Variants in XKRX observed in about 807,000 individuals in gnomAD.
XKRX encodes XK-related protein 2.
A neutral mutation model predicts 22.4 loss-of-function variants in XKRX; 11 were observed. The ratio of observed to expected loss-of-function variants is 0.49; its 90% confidence interval spans 0.31 to 0.81. The LOEUF is 0.81. Among genes scored for constraint, XKRX ranks in the 40% least tolerant of loss-of-function variants. XKRX has a pLI of 0.05. For missense variants in XKRX, 320 were observed against 336.5 expected (o/e 0.95, Z 0.38); for synonymous variants, 114 against 132.2 (o/e 0.86, Z 0.94).
the XKRX span, among the ~76,000 whole-genome samples, chrX:100,889,033 G>T: frequency 3.6e-5 from 4 of 109,839 alleles, no homozygotes; most frequent in African/African-American, 1.3e-4. Context: ...GAGGTCAGGA[G>T]TTCGAGACCA....
At chrX:100,941,681 A>G in the XKRX span, among the ~76,000 whole-genome samples, 4 of 112,475 alleles carry the variant, frequency 3.6e-5, no homozygotes, top group Non-Finnish European at 7.5e-5. Context: ...TCTAATGGAC[A>G]AGCATAAAGA....
rs777611830 is a variant in XKRX, at chrX:100,928,159, G to A, written c.146C>T (p.Ala49Val). 8.3e-7 allele frequency: 1 copy of A among 1,211,760 alleles called. No individual in the cohort carries two copies. The highest frequency in any genetic ancestry group is 1.1e-6 in the Non-Finnish European group (1 of 895,437). The change falls in exon 1 of 3, where the codon GCA becomes GTA. Residue 49 changes from alanine to valine, a missense_variant. Transcript: ENST00000372956. ...GATTCTAACCATGTACAAAGCAGAT[G>A]CAGCCTCCCCACAGTACAAAAAGGT... Reference protein sequence around the residue: ...FSTFLYCGEAASALYMVRIYR... With the variant: ...FSTFLYCGEAVSALYMVRIYR...
At chrX:100,948,349 T>C in the XKRX span, among the ~76,000 whole-genome samples, 3 of 111,927 alleles carry the variant, frequency 2.7e-5, no homozygotes, top group Non-Finnish European at 5.6e-5. Context: ...CATTTCTCAC[T>C]ACTCCTCCCT....
At chrX:100,900,456 A>T in the XKRX span, among the ~76,000 whole-genome samples, 1 of 110,632 alleles carries the variant, frequency 9.0e-6, no homozygotes, top group Non-Finnish European at 1.9e-5. Flanking sequence ...TCTTGTCCTC[A>T]AGTAATAAAG....
the XKRX span, among the ~76,000 whole-genome samples, chrX:100,937,549 A>G: frequency 8.9e-6 from 1 of 111,854 alleles, no homozygotes; most frequent in African/African-American, 3.3e-5. Context: ...CTATACTTCG[A>G]GAAAAACTGT....
the XKRX span, among the ~76,000 whole-genome samples, chrX:100,906,007 A>G: frequency 8.9e-6 from 1 of 112,120 alleles, no homozygotes; most frequent in South Asian, 3.7e-4. Context: ...GAGCCAAGAC[A>G]GTTCTATTAA....
chrX:100,953,047 A>G, the XKRX span, among the ~76,000 whole-genome samples: 1 of 112,425 alleles, frequency 8.9e-6, no homozygotes, highest in Non-Finnish European at 1.9e-5. Context: ...CACACCTGTA[A>G]TCTCAGCACT....
In XKRX at chrX:100,924,280, A is replaced by G. The variant is rs192082323; in HGVS notation, c.336-1219T>C. 3.6e-5 allele frequency among the ~76,000 whole-genome samples: 4 copies of G among 111,630 alleles called. No homozygotes were observed. In the Admixed American group the frequency reaches 3.8e-4, roughly 11 times the overall value. On this transcript the variant is annotated intron_variant, in intron 1 of 2. Transcript: ENST00000372956. Reference sequence around the variant, plus strand: ...AAGCAACAAAAGTACTTAAAAGACGACAACTCAAACCTGAATGAACTACAT... The same window carrying G: ...AAGCAACAAAAGTACTTAAAAGACGGCAACTCAAACCTGAATGAACTACAT...
chrX:100,917,538 A>G (rs1435713903), intron 2 of XKRX, among the ~76,000 whole-genome samples: 1 of 102,642 alleles, frequency 9.7e-6, no homozygotes, highest in Admixed American at 1.1e-4. Flanking sequence ...AGAGAAAGGG[A>G]GGAAGGGAGG....
chrX:100,944,094 A>G, the XKRX span, among the ~76,000 whole-genome samples: 1 of 112,108 alleles, frequency 8.9e-6, no homozygotes, highest in Non-Finnish European at 1.9e-5. Context: ...CTTCACCAAT[A>G]CATGGTAATG....
chrX:100,936,540 C>CAAAAAAAAAAAAAAAAAA, the XKRX span, among the ~76,000 whole-genome samples: 1 of 25,401 alleles, frequency 3.9e-5, no homozygotes, highest in African/African-American at 1.2e-4. Flanking sequence ...GACTCTGTCT[C>CAAAAAAAAAAAAAAAAAA]AAAAAAAAAA....
chrX:100,887,471 C>T, the XKRX span, among the ~76,000 whole-genome samples: 55 of 112,374 alleles, frequency 4.9e-4, no homozygotes, highest in Middle Eastern at 4.6e-3. Context: ...ATACAGTCCT[C>T]AAGTTTTTTG....
the XKRX span, among the ~76,000 whole-genome samples, chrX:100,895,945 C>T: frequency 8.9e-6 from 1 of 111,818 alleles, no homozygotes; most frequent in Admixed American, 9.5e-5. Context: ...CAAGGCTTGC[C>T]ACAAAGGGTT....
chrX:100,908,309 G>T, the XKRX span, among the ~76,000 whole-genome samples: 2 of 110,807 alleles, frequency 1.8e-5, no homozygotes, highest in Non-Finnish European at 3.8e-5. Context: ...TAGAGACAGG[G>T]TTTCACCATG....
At chrX:100,891,796 A>T in the XKRX span, among the ~76,000 whole-genome samples, 11 of 96,029 alleles carry the variant, frequency 1.1e-4, no homozygotes, top group East Asian at 3.2e-4. Flanking sequence ...AGAAAGAAAG[A>T]AAGTAAGTTA....
intron 1 of XKRX, among the ~76,000 whole-genome samples, chrX:100,923,705 TC>T (rs1287850921): frequency 8.9e-6 from 1 of 111,854 alleles, no homozygotes; most frequent in Non-Finnish European, 1.9e-5. Context: ...GATACTGTTT[TC>T]CTAGCAAAAT....
chrX:100,917,852 T>C (rs917177160), intron 2 of XKRX, among the ~76,000 whole-genome samples: 1 of 109,839 alleles, frequency 9.1e-6, no homozygotes, highest in African/African-American at 3.4e-5. Flanking sequence ...ATTACCCCCA[T>C]ATGTTAGGAA....
Position 100,928,516 on chromosome X carries a change from A to AC in XKRX, c.-213dup, listed in dbSNP as rs112889916. The AC allele has an allele frequency of 3.1e-3, 3,274 of 1,047,202 alleles. 48 individuals carry two copies. In the African/African-American group the frequency reaches 0.051, roughly 16 times the overall value. 86.3% of individuals were successfully genotyped at this position (1,047,202 alleles called of 1,213,427 possible). A position where few individuals can be genotyped will look rare whatever the true frequency, so the allele number is the denominator to read the frequency against. On this transcript the variant is annotated 5_prime_UTR_variant, in exon 1 of 3. The change abolishes the stop of an existing upstream ORF in the 5' untranslated region. Transcript: ENST00000372956. ...AGTCTGGGATGGAAAGCCCAGGAGT[A>AC]CCACTTTGAACTTGACTCTTGATTG...
At chrX:100,946,402 CATT>C in the XKRX span, among the ~76,000 whole-genome samples, 1 of 111,611 alleles carries the variant, frequency 9.0e-6, no homozygotes, top group Non-Finnish European at 1.9e-5. Flanking sequence ...AGGCTTATTT[CATT>C]GGATTCTAAT....
Sources: allele counts gnomAD v4.1 joint callset (sites outside exome capture counted in the v4.1 genomes callset), GRCh38; gene constraint gnomAD v4.1.1; transcripts MANE v1.5; gene names NCBI Gene and HGNC (gene_info 2026-07-23, HGNC 2026-07-21).